Variants in ACOT9 observed in about 807,000 individuals in gnomAD.
The protein encoded by ACOT9 is acyl-coenzyme A thioesterase 9, mitochondrial.
A neutral mutation model predicts 39.7 loss-of-function variants in ACOT9; 34 were observed. That is an observed-to-expected ratio of 0.86 (90% confidence interval 0.65 to 1.14). The LOEUF is 1.14. ACOT9 is among the 50% of genes most tolerant of loss of function. ACOT9 has a pLI of 0.00. For synonymous variants in ACOT9, 110 were observed against 120.5 expected, an observed-to-expected ratio of 0.91 and a Z score of 0.57; for missense variants, 313 against 344.1, an observed-to-expected ratio of 0.91 and a Z score of 0.71.
chrX:23,730,407 T>G (rs886369360), intron 6 of ACOT9, 120 bp downstream of exon 6: 18 of 584,348 alleles, frequency 3.1e-5, no homozygotes, highest in Non-Finnish European at 4.4e-5. Context: ...TCCTTCTTTT[T>G]TTGTGCACTT....
rs761324862 is a variant in ACOT9, at chrX:23,704,804, T to C, written c.1148A>G (p.His383Arg). The change falls in exon 15 of 16, where the codon CAC (histidine) becomes CGC (arginine). Residue 383 changes from histidine (H) to arginine (R), a missense_variant. His to Arg is a conservative substitution (Grantham distance 29). Transcript: ENST00000379303. The stretch of plus-strand genomic sequence containing the variant: ...CTCCTGCAGGGAGGCCACTTCACTG[T>C]GTACTCTGACTTGAATATAATTATT... ...TQNNYIQVRV[H>R]SEVASLQEKQ... 4.1e-6 allele frequency: 5 copies of C among 1,209,570 alleles called. No individual in the cohort carries two copies. Among genetic ancestry groups the C allele is most frequent in the East Asian group, 3.0e-5 (1 of 33,789 alleles).
chrX:23,706,887 G>A, intron 10 of ACOT9, 148 bp from the exon 11 acceptor site: 1 of 409,339 alleles, frequency 2.4e-6, no homozygotes, highest in Non-Finnish European at 4.3e-6. Flanking sequence ...CTCCCAGTGA[G>A]TCTTTGGTTC....
intron 8 of ACOT9, among the ~76,000 whole-genome samples, chrX:23,721,193 C>T (rs999692074): frequency 9.9e-5 from 11 of 111,006 alleles, no homozygotes; most frequent in Non-Finnish European, 1.5e-4. Context: ...TGGGTTCAAG[C>T]GGTTCCCAAC....
rs977020326 is a variant in ACOT9 at position 23,706,703 on chromosome X, G to A, written c.767C>T (p.Ser256Leu). 3 of 1,204,064 alleles carry A rather than the reference G, an allele frequency of 2.5e-6. No homozygotes were observed. In the East Asian group the frequency reaches 8.9e-5, roughly 36 times the overall value. Residue 256 changes from serine (S) to leucine (L), a missense_variant, in exon 11 of 16, where the codon TCG (serine) becomes TTG (leucine). Physicochemically the swap from Ser to Leu is moderately radical, Grantham distance 145. Transcript: ENST00000379303. ...KGRRIAFSST[S>L]LLKMAPSAEE... ...AGCGCTGGGGGCCATTTTCAGTAAC[G>A]ACGTGGAGCTGAAGGCAATTCTTCT...
intron 10 of ACOT9, 119 bp downstream of exon 10, chrX:23,707,757 AC>A (rs2146815708): frequency 1.9e-6 from 1 of 516,176 alleles, no homozygotes; most frequent in East Asian, 4.3e-5. Context: ...AAACAAAAAA[AC>A]AAACAAAAAA....
intron 9 of ACOT9, among the ~76,000 whole-genome samples, chrX:23,711,446 G>A (rs1481560000): frequency 3.5e-5 from 4 of 112,689 alleles, no homozygotes; most frequent in African/African-American, 1.3e-4. Flanking sequence ...CTGAAAACAT[G>A]TAAATAAAAG....
At position 23,713,197 on chromosome X, in the gene ACOT9, A is replaced by T. The variant is rs1487177391; in HGVS notation, c.600T>A (p.Asp200Glu). The T allele has an allele frequency of 6.7e-6, 8 of 1,203,004 alleles. No homozygotes were observed. In the South Asian group the frequency reaches 1.4e-4, roughly 21 times the overall value. ...TTGCATCCAAAACAGGACAAAATTC[A>T]TCACCATGTAACTGAAGAACAAAGG... is the stretch of plus-strand genomic sequence containing the variant. ...VKMQMFQLHG[D>E]EFCPVLDATF... The change falls in exon 9 of 16, where the codon GAT (aspartate) becomes GAA (glutamate). Residue 200 changes from aspartate (D) to glutamate (E), a missense_variant. Transcript: ENST00000379303.
chrX:23,730,731 G>A (rs762674350), intron 5 of ACOT9, 85 bp downstream of exon 5: 193 of 1,022,369 alleles, frequency 1.9e-4, no homozygotes, highest in Non-Finnish European at 2.4e-4. Context: ...TTAAACAGGC[G>A]AATTGTATGG....
At chrX:23,707,225 G>A (rs1275432940) in intron 10 of ACOT9, 1 of 109,631 alleles carries the variant, frequency 9.1e-6, no homozygotes, top group Non-Finnish European at 1.9e-5. Flanking sequence ...CTTGGGCCCA[G>A]GAGATCGAGA....
At chrX:23,720,026 G>A (rs1042307836) in intron 8 of ACOT9, among the ~76,000 whole-genome samples, 4 of 111,568 alleles carry the variant, frequency 3.6e-5, no homozygotes, top group Non-Finnish European at 7.5e-5. Flanking sequence ...GTAGAGACAG[G>A]GTTTCACCGT....
chrX:23,741,608 C>T (rs183446978), intron 1 of ACOT9, among the ~76,000 whole-genome samples: 1 of 112,201 alleles, frequency 8.9e-6, no homozygotes, highest in Non-Finnish European at 1.9e-5. Context: ...AGAACCTAAT[C>T]ATCTCAGTCT....
intron 4 of ACOT9, among the ~76,000 whole-genome samples, chrX:23,731,474 C>CAAAAAA (rs59649997): frequency 1.5e-5 from 1 of 68,764 alleles, no homozygotes; most frequent in Non-Finnish European, 3.1e-5. Flanking sequence ...AAGACTGTCT[C>CAAAAAA]AAAAAAAAAA....
Position 23,713,084 on chromosome X carries a change from T to C in ACOT9, c.662+51A>G, listed in dbSNP as rs762640576. ...CATTATAGTTTTCTCTCCAGTCTTA[T>C]GTATCTTTGAAATTCTTCAAAATAA... On this transcript the variant is annotated intron_variant, in intron 9 of 15. Transcript: ENST00000379303. The C allele has an allele frequency of 8.8e-6, 9 of 1,019,763 alleles. No individual in the cohort carries two copies. The East Asian group carries it at 1.2e-4, about 14-fold the overall frequency. The allele number at this position is 1,019,763 out of a possible 1,213,427, so 84.0% of individuals were successfully genotyped here.
At chrX:23,739,382 G>C (rs940708090) in intron 1 of ACOT9, among the ~76,000 whole-genome samples, 1 of 111,625 alleles carries the variant, frequency 9.0e-6, no homozygotes. Flanking sequence ...AAAGGATAAA[G>C]GAATTAACAC....
At chrX:23,735,742 T>C (rs892664355) in intron 2 of ACOT9, 177 bp downstream of exon 2, 3 of 344,320 alleles carry the variant, frequency 8.7e-6, no homozygotes, top group Non-Finnish European at 1.5e-5. Context: ...ATGTGACTTC[T>C]ATCTGAAGCT....
chrX:23,737,743 G>T (rs1226738417), intron 1 of ACOT9, among the ~76,000 whole-genome samples: 1 of 111,641 alleles, frequency 9.0e-6, no homozygotes, highest in Non-Finnish European at 1.9e-5. Context: ...CTTGCTGGAG[G>T]GTTTGGGGTT....
intron 6 of ACOT9, among the ~76,000 whole-genome samples, chrX:23,729,644 ATTT>A (rs1929659964): frequency 1.8e-5 from 2 of 111,220 alleles, no homozygotes; most frequent in Admixed American, 9.6e-5. Context: ...TTTCTTTTTT[ATTT>A]TTGAGACGGA....
At position 23,706,420 on chromosome X, in the gene ACOT9, G is replaced by A. The variant is rs139061689; in HGVS notation, c.842+208C>T. Among the ~76,000 whole-genome samples, 518 of 107,808 alleles carry A rather than the reference G, an allele frequency of 4.8e-3. 9 individuals are homozygous for A. In the East Asian group the frequency reaches 0.073, roughly 15 times the overall value. The allele number at this position is 107,808 out of a possible 115,157, so 93.6% of individuals were successfully genotyped here. On this transcript the variant is annotated intron_variant, in intron 11 of 15. Coordinates refer to ENST00000379303, the MANE Select transcript of ACOT9 (RefSeq NM_001037171.2). ...ACTAAAAATACAAAATTAACCAGGC[G>A]TGGAGGTGCATGCCTATAATCCCAG...
chrX:23,730,000 T>C (rs2146847927), intron 6 of ACOT9, among the ~76,000 whole-genome samples: 1 of 111,253 alleles, frequency 9.0e-6, no homozygotes, highest in African/African-American at 3.3e-5. Context: ...TTAAAGTTAC[T>C]AGTAAGAAAG....
Sources: gnomAD v4.1 joint callset for allele counts (sites outside exome capture counted in the v4.1 genomes callset) on GRCh38, gnomAD v4.1.1 for gene constraint, MANE v1.5 for transcripts, NCBI Gene and HGNC (gene_info 2026-07-23, HGNC 2026-07-21) for gene names.